Variants in MEIS1 observed in about 807,000 individuals in gnomAD.
The protein encoded by MEIS1 is Meis homeobox 1.
MEIS1 carries 5 observed loss-of-function variants against 50.8 expected under a neutral mutation model. The ratio of observed to expected loss-of-function variants is 0.10; its 90% CI spans 0.05 to 0.21. The LOEUF is 0.21. Among genes scored for constraint, MEIS1 ranks in the 10% least tolerant of loss-of-function variants. The pLI is 1.00. For missense variants in MEIS1, 318 were observed against 517.3 expected, an observed-to-expected ratio of 0.61 and a Z score of 3.74; for synonymous variants, 176 against 179.3, an observed-to-expected ratio of 0.98 and a Z score of 0.15.
At chr2:66,550,193 A>T (rs557029368) in intron 9 of MEIS1, among the ~76,000 whole-genome samples, 1 of 152,324 alleles carries the variant, frequency 6.6e-6, no homozygotes, top group African/African-American at 2.4e-5. Flanking sequence ...TGGGACAGAA[A>T]CACAATTCTG....
chr2:66,461,702 C>A, intron 6 of MEIS1: 1 of 295,788 alleles, frequency 3.4e-6, no homozygotes, highest in South Asian at 3.3e-5. Flanking sequence ...ACATTTCTTG[C>A]ATGAATTCCT....
chr2:66,444,251 A>G (rs527505682), intron 6 of MEIS1, among the ~76,000 whole-genome samples: 1 of 152,200 alleles, frequency 6.6e-6, no homozygotes, highest in Admixed American at 6.5e-5. Flanking sequence ...ATTTGGGGGA[A>G]GAGATCAGCC....
At chr2:66,535,958 G>T (rs1304804945) in intron 8 of MEIS1, among the ~76,000 whole-genome samples, 1 of 152,186 alleles carries the variant, frequency 6.6e-6, no homozygotes, top group Non-Finnish European at 1.5e-5. Flanking sequence ...AAAGAGAAAA[G>T]AGTTTTCATG....
intron 6 of MEIS1, among the ~76,000 whole-genome samples, chr2:66,463,214 G>A (rs2103742143): frequency 6.6e-6 from 1 of 151,426 alleles, no homozygotes; most frequent in Middle Eastern, 3.4e-3. Flanking sequence ...AGATGATCCT[G>A]TTTTCCCACT....
chr2:66,439,976 G>T lies in MEIS1; in HGVS notation c.373G>T (p.Ala125Ser), dbSNP rs752841255. ...ESFNEDIAVF[A>S]KQIRAEKPLF... is the part of the protein sequence containing the mutation. ...ATTCAATGAAGATATAGCCGTGTTC[G>T]CCAAACAGGTCAGCAAAATAGATGT... Residue 125 changes from alanine to serine, a missense_variant, in exon 3 of 13, where the codon GCC becomes TCC. By Grantham distance (99) the Ala-to-Ser change is moderately conservative. This residue lies in a region of MEIS1 where 75 missense variants were observed against 153.7 expected (regional missense o/e 0.49). Transcript: ENST00000272369. 1 of 1,610,316 alleles carries T rather than the reference G, an allele frequency of 6.2e-7. No individual in the cohort carries two copies. Among genetic ancestry groups the T allele is most frequent in the Non-Finnish European group, 8.5e-7 (1 of 1,178,430 alleles).
intron 7 of MEIS1, among the ~76,000 whole-genome samples, chr2:66,504,830 T>C (rs1673649280): frequency 6.6e-6 from 1 of 152,192 alleles, no homozygotes; most frequent in Non-Finnish European, 1.5e-5. Flanking sequence ...TTTATTTTGG[T>C]TTCCAAAGGA....
intron 9 of MEIS1, among the ~76,000 whole-genome samples, chr2:66,549,271 G>T (rs1230029007): frequency 1.3e-5 from 2 of 152,146 alleles, no homozygotes; most frequent in Non-Finnish European, 2.9e-5. Context: ...GCTTGTAAGG[G>T]TTATCAATTT....
chr2:66,555,400 A>G (rs1399799666), intron 9 of MEIS1, among the ~76,000 whole-genome samples: 1 of 151,556 alleles, frequency 6.6e-6, no homozygotes, highest in Non-Finnish European at 1.5e-5. Flanking sequence ...GAAACTCACT[A>G]TGTGAATCAA....
intron 7 of MEIS1, among the ~76,000 whole-genome samples, chr2:66,494,223 G>C (rs373025666): frequency 6.6e-6 from 1 of 152,152 alleles, no homozygotes; most frequent in Non-Finnish European, 1.5e-5. Context: ...AGCTCTCCCC[G>C]TGTAGAAATG....
intron 9 of MEIS1, among the ~76,000 whole-genome samples, chr2:66,556,225 G>C (rs560837707): frequency 6.6e-5 from 10 of 152,114 alleles, no homozygotes; most frequent in Non-Finnish European, 1.5e-4. Context: ...ACTCTTTCAT[G>C]CTCCTGATGC....
chr2:66,558,921 C>A (rs1376866677), intron 9 of MEIS1, among the ~76,000 whole-genome samples: 1 of 152,124 alleles, frequency 6.6e-6, no homozygotes, highest in Non-Finnish European at 1.5e-5. Context: ...GAGGGCAGAT[C>A]ACCTGAGGTC....
chr2:66,467,052 C>A (rs1027558033), intron 7 of MEIS1, among the ~76,000 whole-genome samples: 2 of 152,080 alleles, frequency 1.3e-5, no homozygotes, highest in Non-Finnish European at 1.5e-5. Flanking sequence ...ACAGTGGAGG[C>A]ATGTAACAGG....
chr2:66,526,991 C>A (rs1388805386), intron 8 of MEIS1, among the ~76,000 whole-genome samples: 1 of 152,118 alleles, frequency 6.6e-6, no homozygotes, highest in Non-Finnish European at 1.5e-5. Flanking sequence ...GGACCAGACA[C>A]CACGAGCACT....
chr2:66,562,942 G>C (rs923919358), intron 9 of MEIS1, among the ~76,000 whole-genome samples: 4 of 152,020 alleles, frequency 2.6e-5, no homozygotes, highest in African/African-American at 7.2e-5. Context: ...AAAAGCAAAC[G>C]AGACATTTTC....
intron 6 of MEIS1, chr2:66,443,472 G>T (rs575777523): frequency 3.5e-4 from 62 of 175,526 alleles, no homozygotes; most frequent in Admixed American, 3.3e-3. Flanking sequence ...ATCCAAGATA[G>T]GTGGTCTAAG....
At chr2:66,551,357 G>A (rs1214653422) in intron 9 of MEIS1, among the ~76,000 whole-genome samples, 1 of 152,046 alleles carries the variant, frequency 6.6e-6, no homozygotes, top group Non-Finnish European at 1.5e-5. Context: ...AAAGAGGAGA[G>A]AACTTAAAAG....
intron 9 of MEIS1, among the ~76,000 whole-genome samples, chr2:66,559,747 C>T (rs749450247): frequency 7.2e-5 from 11 of 152,062 alleles, no homozygotes; most frequent in African/African-American, 2.4e-4. Context: ...TAAGGTTATA[C>T]AAACTCAAAT....
intron 9 of MEIS1, among the ~76,000 whole-genome samples, chr2:66,566,809 G>GC (rs1675359215): frequency 2.9e-5 from 1 of 33,914 alleles, no homozygotes; most frequent in Admixed American, 4.3e-4. Context: ...TACATAAAGA[G>GC]CAAAAAAAAA....
chr2:66,552,118 G>A (rs1412024972), intron 9 of MEIS1, among the ~76,000 whole-genome samples: 1 of 151,948 alleles, frequency 6.6e-6, no homozygotes, highest in Non-Finnish European at 1.5e-5. Flanking sequence ...TATTGAAAAT[G>A]TGAGTGTAGA....
Sources: gnomAD v4.1 joint callset for allele counts (sites outside exome capture counted in the v4.1 genomes callset) on GRCh38, gnomAD v4.1.1 for gene constraint, gnomAD v4.1.1 regional missense constraint, MANE v1.5 for transcripts, NCBI Gene and HGNC (gene_info 2026-07-23, HGNC 2026-07-21) for gene names.